Variants in CRACDL observed in about 807,000 individuals in gnomAD.
The protein encoded by CRACDL is CRACD like, also known as CRACD-like protein.
Under a neutral mutation model 70.6 loss-of-function variants are expected in CRACDL, and 26 were observed. The ratio of observed to expected loss-of-function variants is 0.37; its 90% CI spans 0.27 to 0.51. The LOEUF is 0.51. CRACDL is among the 20% of genes least tolerant of loss of function. The pLI, the probability that CRACDL is intolerant of heterozygous loss-of-function variation, is 0.94. For missense variants in CRACDL, 1,283 were observed against 1,376.9 expected, an observed-to-expected ratio of 0.93 and a Z score of 1.08; for synonymous variants, 618 against 615.2, an observed-to-expected ratio of 1.00 and a Z score of -0.07.
intron 1 of CRACDL, among the ~76,000 whole-genome samples, chr2:98,905,798 G>C (rs1400119373): frequency 6.6e-6 from 1 of 152,070 alleles, no homozygotes; most frequent in Non-Finnish European, 1.5e-5. Context: ...TTGTATTTTA[G>C]TAGAGACAGG....
At chr2:98,847,944 C>CCCTACCAG (rs1403411585) in intron 1 of CRACDL, among the ~76,000 whole-genome samples, 1 of 152,156 alleles carries the variant, frequency 6.6e-6, no homozygotes, top group Non-Finnish European at 1.5e-5. Flanking sequence ...TGTTCATCCT[C>CCCTACCAG]CCTACCAGCC....
chr2:98,876,779 G>C (rs1476000978), intron 1 of CRACDL, among the ~76,000 whole-genome samples: 4 of 152,180 alleles, frequency 2.6e-5, no homozygotes, highest in African/African-American at 7.2e-5. Flanking sequence ...ACTGAACAAG[G>C]CTTTTGCCCT....
chr2:98,928,016 G>C (rs1001411969), intron 1 of CRACDL, among the ~76,000 whole-genome samples: 1 of 151,696 alleles, frequency 6.6e-6, no homozygotes, highest in Non-Finnish European at 1.5e-5. Context: ...CCCTGTCTCT[G>C]CTAAAAATAC....
In CRACDL at chr2:98,794,355, T is replaced by C; in HGVS notation, c.*177A>G. The C allele has an allele frequency of 1.8e-6, 1 of 547,282 alleles. No individual in the cohort carries two copies. The highest frequency in any genetic ancestry group is 3.2e-6 in the Non-Finnish European group (1 of 314,210). The allele number at this position is 547,282 out of a possible 1,614,324, so 33.9% of individuals were successfully genotyped here. A position where few individuals can be genotyped will look rare whatever the true frequency, so the allele number is the denominator to read the frequency against. Reference sequence around the variant, plus strand: ...TTCTGGGCCCTCTGGCCCAGGAGTATGGCTGTGTGTTTATCCTCTTTGTTT... The same window carrying C: ...TTCTGGGCCCTCTGGCCCAGGAGTACGGCTGTGTGTTTATCCTCTTTGTTT... On this transcript the variant is annotated 3_prime_UTR_variant, in exon 10 of 10. Coordinates refer to ENST00000397899, the MANE Select transcript of CRACDL (RefSeq NM_207362.3).
At chr2:98,933,672 C>G (rs1709138872) in intron 1 of CRACDL, among the ~76,000 whole-genome samples, 1 of 152,136 alleles carries the variant, frequency 6.6e-6, no homozygotes, top group Admixed American at 6.5e-5. Context: ...AGGGGAAGAG[C>G]CAGTGACTGC....
intron 7 of CRACDL, among the ~76,000 whole-genome samples, chr2:98,808,432 C>T (rs1704412616): frequency 6.6e-6 from 1 of 152,186 alleles, no homozygotes; most frequent in Non-Finnish European, 1.5e-5. Context: ...TGATGCTGCT[C>T]TGAGCTTCTG....
chr2:98,861,343 A>AAAC (rs200078188), intron 1 of CRACDL, among the ~76,000 whole-genome samples: 21 of 152,152 alleles, frequency 1.4e-4, no homozygotes, highest in South Asian at 1.0e-3. Flanking sequence ...CAGGTCTCAA[A>AAAC]AACAACAACA....
chr2:98,852,777 C>T (rs1040879435), intron 1 of CRACDL, among the ~76,000 whole-genome samples: 3 of 151,962 alleles, frequency 2.0e-5, no homozygotes, highest in Admixed American at 2.0e-4. Flanking sequence ...ATGATCCAAT[C>T]TGAAGAACAG....
rs973391706 is a variant in CRACDL, at chr2:98,910,581, C to T, written c.-11+25357G>A. ...ATAAATAAATAATGCTCCTTGTTTC[C>T]CAGCCACTGTTTTGAGGATCCCCCA... On this transcript the variant is annotated intron_variant, in intron 1 of 9. Coordinates refer to ENST00000397899, the MANE Select transcript of CRACDL (RefSeq NM_207362.3). Among the ~76,000 whole-genome samples the T allele has an allele frequency of 2.6e-5, 4 of 151,822 alleles. No homozygotes were observed. In the East Asian group the frequency reaches 7.7e-4, roughly 29 times the overall value.
At chr2:98,914,775 G>A (rs942698817) in intron 1 of CRACDL, among the ~76,000 whole-genome samples, 2 of 152,176 alleles carry the variant, frequency 1.3e-5, no homozygotes, top group South Asian at 4.1e-4. Flanking sequence ...GAGGCTGGGC[G>A]GCTCCGGGCA....
chr2:98,890,498 A>G (rs1397084976), intron 1 of CRACDL, among the ~76,000 whole-genome samples: 1 of 152,234 alleles, frequency 6.6e-6, no homozygotes, highest in East Asian at 1.9e-4. Flanking sequence ...TTGAATTAAG[A>G]CTTTTAAAAC....
At position 98,799,692 on chromosome 2, in the gene CRACDL, T is replaced by C. The variant is rs1224728327; in HGVS notation, c.2417-2155A>G. Among the ~76,000 whole-genome samples, 5 of 152,322 alleles carry C rather than the reference T, an allele frequency of 3.3e-5. No individual in the cohort carries two copies. The South Asian group carries it at 1.0e-3, about 32-fold the overall frequency. On this transcript the variant is annotated intron_variant, in intron 7 of 9. Coordinates refer to ENST00000397899, the MANE Select transcript of CRACDL (RefSeq NM_207362.3). ...TCCTCTACCCTTAGCTCAAATGGCC[T>C]CTGCCTATGTCTCGTCAGCCACTTG...
chr2:98,863,560 G>C lies in CRACDL; in HGVS notation c.-10-16750C>G, dbSNP rs567887494. On this transcript the variant is annotated intron_variant, in intron 1 of 9. Transcript: ENST00000397899. ...TTGTTTTGTATTTTACGTGATTTAA[G>C]AGACTAGCACTTTTTTAAAAAAAGA... 3.3e-5 allele frequency among the ~76,000 whole-genome samples: 5 copies of C among 152,250 alleles called. No individual in the cohort carries two copies. In the East Asian group the frequency reaches 9.6e-4, roughly 29 times the overall value.
Position 98,829,204 on chromosome 2 carries a change from T to C in CRACDL, c.541-2035A>G, listed in dbSNP as rs191278850. 2.0e-5 allele frequency among the ~76,000 whole-genome samples: 3 copies of C among 152,372 alleles called. No individual in the cohort carries two copies. In the East Asian group the frequency reaches 5.8e-4, roughly 29 times the overall value. ...AGGATGCACAGCAGGACCTCCTCCC[T>C]GTGGGCCGCCCTGCGTCTGTCCTGC... On this transcript the variant is annotated intron_variant, in intron 5 of 9. Coordinates refer to ENST00000397899, the MANE Select transcript of CRACDL (RefSeq NM_207362.3).
At chr2:98,840,773 T>A (rs2104521964) in intron 2 of CRACDL, 1 of 152,304 alleles carries the variant, frequency 6.6e-6, no homozygotes, top group South Asian at 2.1e-4. Context: ...AATGTAAAAT[T>A]ATTATCTTGC....
At chr2:98,855,148 C>G (rs530508810) in intron 1 of CRACDL, among the ~76,000 whole-genome samples, 14 of 152,124 alleles carry the variant, frequency 9.2e-5, no homozygotes, top group African/African-American at 2.6e-4. Flanking sequence ...GGCATGGTGG[C>G]GCATTCCTGT....
chr2:98,843,151 T>C (rs1465423284), intron 2 of CRACDL, among the ~76,000 whole-genome samples: 14 of 152,182 alleles, frequency 9.2e-5, no homozygotes, highest in Admixed American at 8.5e-4. Flanking sequence ...TGATTATAGA[T>C]ATTGAGCATT....
Position 98,822,276 on chromosome 2 carries a change from G to A in CRACDL, c.1997C>T (p.Pro666Leu). 6.3e-7 allele frequency: 1 copy of A among 1,581,720 alleles called. No individual in the cohort carries two copies. The highest frequency in any genetic ancestry group is 2.3e-5 in the East Asian group (1 of 43,576). The change falls in exon 7 of 10, where the codon CCC becomes CTC. Residue 666 changes from proline (P) to leucine (L), a missense_variant. By Grantham distance (98) the Pro-to-Leu change is moderately conservative (BLOSUM62 -3). Coordinates refer to ENST00000397899, the MANE Select transcript of CRACDL (RefSeq NM_207362.3). This position sits in a 1 kb window ranked among gnomAD's most constrained non-coding sequence, Gnocchi z 4.9. ...GGCCGGCTCCTGGGCGGCTGGGCAG[G>A]GCTCTCTCGTGCCGGGCGCGGCGGC... The part of the protein sequence containing the change: ...EAAAAPGTRE[P>L]CPAAQEPAPS...
intron 1 of CRACDL, among the ~76,000 whole-genome samples, chr2:98,935,703 G>A (rs1384144781): frequency 6.6e-6 from 1 of 152,218 alleles, no homozygotes; most frequent in African/African-American, 2.4e-5. Context: ...GTGAGCAAAG[G>A]GAAACTTTGG....
Sources: allele counts gnomAD v4.1 joint callset (sites outside exome capture counted in the v4.1 genomes callset), GRCh38; gene constraint gnomAD v4.1.1; non-coding constraint Gnocchi (gnomAD v3.1); transcripts MANE v1.5; gene names NCBI Gene and HGNC (gene_info 2026-07-23, HGNC 2026-07-21).